KIF25: variants seen among roughly 807,000 people sequenced by gnomAD.
The protein encoded by KIF25 is kinesin family member 25, also known as kinesin-like protein KIF25.
In KIF25, 19 loss-of-function variants were observed where a neutral mutation model predicts 32.9. The observed-to-expected ratio is 0.58, with a 90% CI of 0.40 to 0.85. The LOEUF is 0.85. Ranked by LOEUF, KIF25 falls within the 40% of genes least tolerant of loss-of-function variation. The probability of loss-of-function intolerance (pLI) is 0.00; values close to 1 mark genes in which losing one functional copy is unlikely to be tolerated. For synonymous variants in KIF25, 225 were observed against 213.7 expected (o/e 1.05, Z -0.46); for missense variants, 485 against 507.0 (o/e 0.96, Z 0.42).
At chr6:168,009,589 A>G (rs1261910090) in intron 4 of KIF25, among the ~76,000 whole-genome samples, 1 of 152,126 alleles carries the variant, frequency 6.6e-6, no homozygotes, top group Non-Finnish European at 1.5e-5. Flanking sequence ...GCCTTGTAGA[A>G]TGAGTTAGCA....
At chr6:168,035,736 C>T in intron 8 of KIF25, 1 of 456,234 alleles carries the variant, frequency 2.2e-6, no homozygotes, top group Non-Finnish European at 4.4e-6. Context: ...GTGCGTCTCC[C>T]TCCAGGGCAC....
At position 168,041,919 on chromosome 6, in the gene KIF25, A is replaced by G. The variant is rs759786221; in HGVS notation, c.647-50A>G. The G allele has an allele frequency of 1.2e-5, 18 of 1,534,966 alleles. No homozygotes were observed. In the African/African-American group the frequency reaches 1.9e-4, roughly 16 times the overall value. On this transcript the variant is annotated intron_variant, in intron 10 of 12. Transcript: ENST00000643607. The stretch of plus-strand genomic sequence containing the variant: ...TCTGACTGAGGCAAAGCACAGCCTC[A>G]TGGCTTCATGCAACTGTTTTCCTCC...
intron 5 of KIF25, among the ~76,000 whole-genome samples, chr6:168,021,883 TC>T (rs1459965567): frequency 2.0e-5 from 3 of 152,248 alleles, no homozygotes; most frequent in Non-Finnish European, 4.4e-5. Flanking sequence ...TGGGTAAAGT[TC>T]AACGTTATCA....
Position 168,033,891 on chromosome 6 carries a change from T to G in KIF25, c.177T>G (p.Val59=). ...LLTSLLDGYN[V]CVMAYGQTGS... Reference sequence around the variant, plus strand: ...CTGCTCTGAATTTTAGGTACAATGTTTGTGTTATGGCGTATGGACAGACGG... The same window carrying G: ...CTGCTCTGAATTTTAGGTACAATGTGTGTGTTATGGCGTATGGACAGACGG... Residue 59 remains valine, a synonymous_variant, in exon 8 of 13, where the codon GTT becomes GTG. Coordinates refer to ENST00000643607, the MANE Select transcript of KIF25 (RefSeq NM_030615.4). The G allele has an allele frequency of 6.2e-7, 1 of 1,613,500 alleles. No homozygotes were observed. Among genetic ancestry groups the G allele is most frequent in the Non-Finnish European group, 8.5e-7 (1 of 1,179,486 alleles).
chr6:168,028,302 G>A (rs2114896223), intron 5 of KIF25, among the ~76,000 whole-genome samples: 2 of 152,128 alleles, frequency 1.3e-5, no homozygotes, highest in South Asian at 4.2e-4. Context: ...TGTCCACCTT[G>A]GCCTCCCAAA....
intron 4 of KIF25, among the ~76,000 whole-genome samples, chr6:168,011,592 T>C (rs1313252333): frequency 6.6e-6 from 1 of 152,228 alleles, no homozygotes; most frequent in African/African-American, 2.4e-5. Flanking sequence ...TATATGTGAC[T>C]TAATGCTTTT....
rs530614958 is a variant in KIF25 at position 168,000,348 on chromosome 6, C to A, written c.-370+1028C>A. Among the ~76,000 whole-genome samples, 7 of 130,960 alleles carry A rather than the reference C, an allele frequency of 5.3e-5. No homozygotes were observed. The East Asian group carries it at 1.8e-3, about 34-fold the overall frequency. The allele number at this position is 130,960 out of a possible 152,430, so 85.9% of individuals were successfully genotyped here. On this transcript the variant is annotated intron_variant, in intron 2 of 12. Transcript: ENST00000643607. ...CCACTCCCATCCTGACCACACCTGGCCCTCCCCACTCCCATCCCGACCACG... is the reference window on the plus strand; with the variant it reads ...CCACTCCCATCCTGACCACACCTGGACCTCCCCACTCCCATCCCGACCACG...
intron 11 of KIF25, 127 bp from the exon 12 acceptor site, chr6:168,042,434 T>C: frequency 4.9e-6 from 6 of 1,213,300 alleles, no homozygotes; most frequent in Non-Finnish European, 6.9e-6. Context: ...ACACTCACTC[T>C]CATGCCTGTC....
At chr6:168,026,596 T>G (rs1347251524) in intron 5 of KIF25, among the ~76,000 whole-genome samples, 1 of 152,206 alleles carries the variant, frequency 6.6e-6, no homozygotes. Flanking sequence ...ATTCCAACAC[T>G]TTCAGCCCTT....
chr6:168,027,054 G>A (rs1798870040), intron 5 of KIF25, among the ~76,000 whole-genome samples: 1 of 152,168 alleles, frequency 6.6e-6, no homozygotes, highest in Non-Finnish European at 1.5e-5. Flanking sequence ...GCTGCGCTGA[G>A]CTCAGAAGCC....
Position 168,031,882 on chromosome 6 carries a change from C to T in KIF25, c.167+1035C>T, listed in dbSNP as rs79630688. 8.7e-3 allele frequency among the ~76,000 whole-genome samples: 1,323 copies of T among 152,240 alleles called. 31 individuals carry two copies. Among genetic ancestry groups the T allele is most frequent in the African/African-American group, 0.03 (1,238 of 41,536 alleles). ...TTATCCTGAGCCAAATATGAGTGAC[C>T]GTGGCCCATGACACAGCCCAGGAGG... On this transcript the variant is annotated intron_variant, in intron 7 of 12. Coordinates refer to ENST00000643607, the MANE Select transcript of KIF25 (RefSeq NM_030615.4).
intron 4 of KIF25, among the ~76,000 whole-genome samples, chr6:168,016,383 C>G (rs1449235641): frequency 1.3e-5 from 2 of 152,256 alleles, no homozygotes; most frequent in Admixed American, 6.5e-5. Flanking sequence ...CGAGCACGCG[C>G]AACCTCCACA....
intron 5 of KIF25, among the ~76,000 whole-genome samples, chr6:168,026,071 C>T (rs1798856800): frequency 6.6e-6 from 1 of 152,224 alleles, no homozygotes; most frequent in African/African-American, 2.4e-5. Flanking sequence ...CACCACCGCC[C>T]AGTCTAGTTA....
rs759904580 is a variant in KIF25 at position 168,042,701 on chromosome 6, C to A, written c.970C>A (p.Leu324Ile). ...CCGGAACAGCAGGCTCACCCACCTC[C>A]TTCAGGACTGCCTCGGTAACCGTTT... ...PYRNSRLTHL[L>I]QDCLGGDAKL... The change falls in exon 12 of 13, where the codon CTT becomes ATT. Residue 324 changes from leucine to isoleucine, a missense_variant. By Grantham distance (5) the Leu-to-Ile change is conservative. This residue lies in a region of KIF25 where 480 missense variants were observed against 470.3 expected (regional missense o/e 1.02). Coordinates refer to ENST00000643607, the MANE Select transcript of KIF25 (RefSeq NM_030615.4). 5.6e-6 allele frequency: 9 copies of A among 1,611,796 alleles called. No individual in the cohort carries two copies. Among genetic ancestry groups the A allele is most frequent in the Non-Finnish European group, 7.6e-6 (9 of 1,179,620 alleles).
intron 4 of KIF25, among the ~76,000 whole-genome samples, chr6:168,016,130 G>A (rs1017842281): frequency 1.3e-5 from 2 of 152,210 alleles, no homozygotes; most frequent in Non-Finnish European, 2.9e-5. Flanking sequence ...TAGGCTGGCG[G>A]TTGGATTAGG....
chr6:168,017,413 T>C (rs898225162), intron 4 of KIF25, among the ~76,000 whole-genome samples: 1 of 152,246 alleles, frequency 6.6e-6, no homozygotes, highest in Non-Finnish European at 1.5e-5. Context: ...TAAGTGAAAC[T>C]AAACTAATTT....
intron 4 of KIF25, among the ~76,000 whole-genome samples, chr6:168,010,594 T>C (rs1481784819): frequency 6.6e-6 from 1 of 152,196 alleles, no homozygotes; most frequent in Non-Finnish European, 1.5e-5. Flanking sequence ...AAATGTATTC[T>C]GTAGCTGTTG....
intron 5 of KIF25, among the ~76,000 whole-genome samples, chr6:168,023,094 A>G (rs1031686542): frequency 3.3e-5 from 5 of 152,056 alleles, no homozygotes; most frequent in African/African-American, 1.2e-4. Context: ...TTGCACAGCC[A>G]TGGCACCTCC....
intron 4 of KIF25, among the ~76,000 whole-genome samples, chr6:168,005,811 G>C (rs908142383): frequency 6.6e-6 from 1 of 152,204 alleles, no homozygotes; most frequent in Non-Finnish European, 1.5e-5. Context: ...CCCAGATTAA[G>C]GGCGGGTCTG....
Sources: allele counts gnomAD v4.1 joint callset (sites outside exome capture counted in the v4.1 genomes callset), GRCh38; gene constraint gnomAD v4.1.1; regional missense constraint gnomAD v4.1.1; transcripts MANE v1.5; gene names NCBI Gene and HGNC (gene_info 2026-07-23, HGNC 2026-07-21).